GABRG3: variants seen among roughly 807,000 people sequenced by gnomAD.
GABRG3 encodes gamma-aminobutyric acid receptor subunit gamma-3.
Under a neutral mutation model 48.8 loss-of-function variants are expected in GABRG3, and 25 were observed. The ratio of observed to expected loss-of-function variants is 0.51; its 90% CI spans 0.37 to 0.72. The LOEUF is 0.72. GABRG3 is among the 30% of genes least tolerant of loss of function. The pLI, the probability that GABRG3 is intolerant of heterozygous loss-of-function variation, is 0.00. For missense variants in GABRG3, 394 were observed against 577.9 expected, an observed-to-expected ratio of 0.68 and a Z score of 3.26; for synonymous variants, 227 against 217.6, an observed-to-expected ratio of 1.04 and a Z score of -0.38.
At chr15:27,353,426 C>CTTTCTATTTATTTATTTATT (rs367835979) in intron 5 of GABRG3, among the ~76,000 whole-genome samples, 5 of 146,016 alleles carry the variant, frequency 3.4e-5, no homozygotes, top group South Asian at 2.2e-4. Context: ...TTCTTTCTTT[C>CTTTCTATTTATTTATTTATT]TATTTATTTA....
chr15:27,488,097 T>A (rs2150847962), intron 6 of GABRG3, among the ~76,000 whole-genome samples: 1 of 152,318 alleles, frequency 6.6e-6, no homozygotes, highest in Non-Finnish European at 1.5e-5. Context: ...CTGAAGCTCC[T>A]GGAGCACTTG....
intron 5 of GABRG3, among the ~76,000 whole-genome samples, chr15:27,473,694 T>A (rs984079118): frequency 6.6e-6 from 1 of 152,218 alleles, no homozygotes; most frequent in Non-Finnish European, 1.5e-5. Context: ...AGATGAAATG[T>A]ATCAGGTTTC....
intron 2 of GABRG3, among the ~76,000 whole-genome samples, chr15:27,022,567 A>C (rs1430564363): frequency 6.6e-6 from 1 of 152,218 alleles, no homozygotes; most frequent in South Asian, 2.1e-4. Flanking sequence ...GATGTCGGGA[A>C]CTTTCTTCAA....
chr15:27,154,943 A>T (rs1898391248), intron 3 of GABRG3, among the ~76,000 whole-genome samples: 1 of 152,048 alleles, frequency 6.6e-6, no homozygotes, highest in South Asian at 2.1e-4. Flanking sequence ...ATTCTCCTGT[A>T]ATTGACATGC....
chr15:27,412,826 C>T (rs952867999), intron 5 of GABRG3, among the ~76,000 whole-genome samples: 3 of 152,186 alleles, frequency 2.0e-5, no homozygotes, highest in Admixed American at 2.0e-4. Flanking sequence ...AATATTATGA[C>T]TTCCCTTAAG....
chr15:27,402,274 C>A (rs2140588101), intron 5 of GABRG3, among the ~76,000 whole-genome samples: 1 of 150,424 alleles, frequency 6.6e-6, no homozygotes, highest in Middle Eastern at 3.4e-3. Context: ...TCTCTGAAGA[C>A]AGACAAAAAA....
At chr15:27,391,874 TAGG>T in intron 5 of GABRG3, among the ~76,000 whole-genome samples, 1 of 152,300 alleles carries the variant, frequency 6.6e-6, no homozygotes, top group South Asian at 2.1e-4. Flanking sequence ...AGCATGAACT[TAGG>T]AGAAGAGCAG....
intron 3 of GABRG3, among the ~76,000 whole-genome samples, chr15:27,099,749 G>A (rs1897324627): frequency 6.6e-6 from 1 of 151,804 alleles, no homozygotes; most frequent in South Asian, 2.1e-4. Context: ...AGAATCCCTG[G>A]AAAGATAAGA....
chr15:27,130,130 A>C (rs1897891098), intron 3 of GABRG3, among the ~76,000 whole-genome samples: 1 of 152,120 alleles, frequency 6.6e-6, no homozygotes, highest in South Asian at 2.1e-4. Flanking sequence ...TAATTGCCAA[A>C]TTTAATGACA....
rs144871501 is a variant in GABRG3 at position 27,084,007 on chromosome 15, T to C, written c.270+57186T>C. 1.5e-3 allele frequency among the ~76,000 whole-genome samples: 234 copies of C among 152,314 alleles called. 1 individual carries two copies. The highest frequency in any genetic ancestry group is 4.9e-3 in the African/African-American group (204 of 41,576). On this transcript the variant is annotated intron_variant, in intron 3 of 9. Transcript: ENST00000615808. ...AAAGTGTGTGCAGGGAAGCCTGGTT[T>C]GGTGTCTGGGCTGGAGGCACAGTGG...
At chr15:27,345,640 T>C (rs1203747904) in intron 5 of GABRG3, among the ~76,000 whole-genome samples, 1 of 152,252 alleles carries the variant, frequency 6.6e-6, no homozygotes, top group Non-Finnish European at 1.5e-5. Context: ...TAGTACTCCT[T>C]TCTTTTTTAT....
At chr15:27,004,792 G>A (rs1595467488) in intron 2 of GABRG3, among the ~76,000 whole-genome samples, 1 of 152,120 alleles carries the variant, frequency 6.6e-6, no homozygotes, top group Admixed American at 6.5e-5. Context: ...ACCTGCATTC[G>A]ACATTTGTAT....
intron 5 of GABRG3, among the ~76,000 whole-genome samples, chr15:27,430,981 C>G (rs1421663111): frequency 6.7e-6 from 1 of 148,356 alleles, no homozygotes; most frequent in Non-Finnish European, 1.5e-5. Context: ...CAGAGCAAGT[C>G]CCTGTCTCAA....
At position 27,265,882 on chromosome 15, in the gene GABRG3, G is replaced by GTTTT. The variant is rs57522857; in HGVS notation, c.271-60915_271-60912dup. Among the ~76,000 whole-genome samples the GTTTT allele has an allele frequency of 7.1e-5, 9 of 127,596 alleles. 1 individual carries two copies. Among genetic ancestry groups the GTTTT allele is most frequent in the South Asian group, 2.6e-4 (1 of 3,918 alleles). 83.7% of individuals were successfully genotyped at this position (127,596 alleles called of 152,430 possible). A position where few individuals can be genotyped will look rare whatever the true frequency, so the allele number is the denominator to read the frequency against. The stretch of plus-strand genomic sequence containing the variant: ...GCAAGGTCAAGAAGATTTTCTCCTG[G>GTTTT]TTTTTTTTTTTTTTTGAGAGTGACC... On this transcript the variant is annotated intron_variant, in intron 3 of 9. Transcript: ENST00000615808.
chr15:27,064,571 A>G (rs1192381315), intron 3 of GABRG3, among the ~76,000 whole-genome samples: 1 of 152,132 alleles, frequency 6.6e-6, no homozygotes, highest in East Asian at 1.9e-4. Flanking sequence ...GCTGTCCTCT[A>G]GCCCCTGTGT....
At chr15:27,285,211 G>A (rs1454225863) in intron 3 of GABRG3, among the ~76,000 whole-genome samples, 1 of 151,438 alleles carries the variant, frequency 6.6e-6, no homozygotes, top group Non-Finnish European at 1.5e-5. Context: ...TAATGTGGTA[G>A]CTGCAGTTTG....
chr15:27,185,717 T>C (rs1201234800), intron 3 of GABRG3, among the ~76,000 whole-genome samples: 1 of 152,164 alleles, frequency 6.6e-6, no homozygotes, highest in Non-Finnish European at 1.5e-5. Context: ...ATGCTTTTGT[T>C]TGGTACATAC....
intron 3 of GABRG3, among the ~76,000 whole-genome samples, chr15:27,227,358 G>A (rs990614701): frequency 7.9e-5 from 12 of 152,032 alleles, no homozygotes; most frequent in African/African-American, 2.9e-4. Flanking sequence ...GGGCCTGGGC[G>A]TGGTGGTGTG....
At chr15:27,230,602 C>G (rs1389393351) in intron 3 of GABRG3, among the ~76,000 whole-genome samples, 1 of 152,058 alleles carries the variant, frequency 6.6e-6, no homozygotes, top group South Asian at 2.1e-4. Context: ...TTTGCATATG[C>G]TTTATTTTAA....
Sources: allele counts gnomAD v4.1 joint callset (sites outside exome capture counted in the v4.1 genomes callset), GRCh38; gene constraint gnomAD v4.1.1; transcripts MANE v1.5; gene names NCBI Gene and HGNC (gene_info 2026-07-23, HGNC 2026-07-21).